CCDC178: variants seen among roughly 807,000 people sequenced by gnomAD.
The protein encoded by CCDC178 is coiled-coil domain-containing protein 178.
Under a neutral mutation model 117.4 loss-of-function variants are expected in CCDC178, and 126 were observed. The ratio of observed to expected loss-of-function variants is 1.07; its 90% confidence interval spans 0.93 to 1.24. The LOEUF (loss-of-function observed/expected upper bound fraction) is 1.24. CCDC178 is among the 50% of genes most tolerant of loss of function. CCDC178 has a pLI of 0.00. For synonymous variants in CCDC178, 283 were observed against 313.4 expected, an observed-to-expected ratio of 0.90 and a Z score of 1.02; for missense variants, 1,030 against 986.9, an observed-to-expected ratio of 1.04 and a Z score of -0.59.
At chr18:32,941,535 C>G (rs1305286500) in intron 22 of CCDC178, among the ~76,000 whole-genome samples, 1 of 152,098 alleles carries the variant, frequency 6.6e-6, no homozygotes. Flanking sequence ...GATTTTATTA[C>G]TTTTCATCAA....
intron 5 of CCDC178, among the ~76,000 whole-genome samples, chr18:33,380,123 C>T (rs1230222830): frequency 6.6e-6 from 1 of 152,136 alleles, no homozygotes; most frequent in Non-Finnish European, 1.5e-5. Context: ...CAGGATGGGG[C>T]ACCCAGCACA....
At chr18:33,016,422 C>A (rs1317079178) in intron 21 of CCDC178, among the ~76,000 whole-genome samples, 1 of 151,406 alleles carries the variant, frequency 6.6e-6, no homozygotes, top group Non-Finnish European at 1.5e-5. Flanking sequence ...GGCAAGAAAT[C>A]AAATCCACAT....
chr18:32,979,093 A>G (rs2055090160), intron 21 of CCDC178, among the ~76,000 whole-genome samples: 2 of 152,026 alleles, frequency 1.3e-5, no homozygotes, highest in African/African-American at 4.8e-5. Flanking sequence ...AGGCTCTACA[A>G]AACAACAAAT....
intron 21 of CCDC178, among the ~76,000 whole-genome samples, chr18:33,037,514 C>T (rs143912256): frequency 3.9e-4 from 60 of 151,998 alleles, no homozygotes; most frequent in Admixed American, 5.9e-4. Context: ...ACTTTTCTAC[C>T]GTAGTTGACT....
intron 20 of CCDC178, among the ~76,000 whole-genome samples, chr18:33,113,374 G>C (rs1474227370): frequency 6.6e-6 from 1 of 151,966 alleles, no homozygotes; most frequent in Non-Finnish European, 1.5e-5. Flanking sequence ...TTGATGACTT[G>C]TGTCATAACA....
intron 21 of CCDC178, among the ~76,000 whole-genome samples, chr18:33,060,877 G>T (rs929110672): frequency 6.6e-6 from 1 of 151,974 alleles, no homozygotes; most frequent in Non-Finnish European, 1.5e-5. Flanking sequence ...AAGCAAGAAA[G>T]AACAAAATAT....
intron 21 of CCDC178, among the ~76,000 whole-genome samples, chr18:33,082,316 C>T (rs1444506505): frequency 6.6e-6 from 1 of 151,902 alleles, no homozygotes; most frequent in Non-Finnish European, 1.5e-5. Context: ...ACCAAAAGTA[C>T]AAAAAATTAG....
rs575943269 is a variant in CCDC178 at position 33,276,274 on chromosome 18, G to C, written c.1177-8977C>G. Among the ~76,000 whole-genome samples, 21 of 152,188 alleles carry C rather than the reference G, an allele frequency of 1.4e-4. No individual in the cohort carries two copies. The East Asian group carries it at 2.7e-3, about 20-fold the overall frequency. On this transcript the variant is annotated intron_variant, in intron 12 of 22. Coordinates refer to ENST00000383096, the MANE Select transcript of CCDC178 (RefSeq NM_001105528.4). Reference sequence around the variant, plus strand: ...TATTTCAAATGTTGTGGCCTGAAAAGCTGGAAGGTTTGAATTGCCATAAAC... The same window carrying C: ...TATTTCAAATGTTGTGGCCTGAAAACCTGGAAGGTTTGAATTGCCATAAAC...
intron 11 of CCDC178, among the ~76,000 whole-genome samples, chr18:33,321,742 C>A (rs2062511555): frequency 6.7e-6 from 1 of 150,038 alleles, no homozygotes; most frequent in Non-Finnish European, 1.5e-5. Flanking sequence ...TGAAAAAAGG[C>A]AATAAAAAAG....
At chr18:33,215,968 C>T (rs2059161003) in intron 18 of CCDC178, among the ~76,000 whole-genome samples, 1 of 151,876 alleles carries the variant, frequency 6.6e-6, no homozygotes, top group Non-Finnish European at 1.5e-5. Context: ...TGCAGTGTTT[C>T]ACACCTGTAG....
intron 21 of CCDC178, among the ~76,000 whole-genome samples, chr18:33,069,743 C>A (rs1398252096): frequency 6.6e-6 from 1 of 152,026 alleles, no homozygotes; most frequent in Non-Finnish European, 1.5e-5. Flanking sequence ...GAAGAGACAA[C>A]TTGAAAAATG....
At chr18:33,292,047 G>T (rs1211674405) in intron 12 of CCDC178, among the ~76,000 whole-genome samples, 1 of 145,064 alleles carries the variant, frequency 6.9e-6, no homozygotes, top group African/African-American at 2.5e-5. Flanking sequence ...ACTAAGAAAA[G>T]AATTACATAT....
At chr18:33,147,202 G>T (rs532339568) in intron 20 of CCDC178, among the ~76,000 whole-genome samples, 2 of 149,394 alleles carry the variant, frequency 1.3e-5, no homozygotes, top group South Asian at 4.3e-4. Context: ...TGGAGGCTGG[G>T]AGTTTCAAAT....
At chr18:33,428,734 A>T (rs2064158646) in intron 2 of CCDC178, among the ~76,000 whole-genome samples, 1 of 149,492 alleles carries the variant, frequency 6.7e-6, no homozygotes, top group Non-Finnish European at 1.5e-5. Flanking sequence ...CTGTCTCAAA[A>T]AAAAAAAAAA....
chr18:33,087,058 G>A (rs1220133024), intron 21 of CCDC178, among the ~76,000 whole-genome samples: 14 of 128,126 alleles, frequency 1.1e-4, no homozygotes, highest in Non-Finnish European at 1.5e-4. Context: ...ACACACACAC[G>A]AAAATTTTAT....
intron 21 of CCDC178, among the ~76,000 whole-genome samples, chr18:32,994,344 G>A (rs2055456996): frequency 6.6e-6 from 1 of 152,160 alleles, no homozygotes; most frequent in Admixed American, 6.5e-5. Flanking sequence ...AGAAAACTGG[G>A]ATAATGCAGA....
At chr18:33,411,334 T>C (rs2063850180) in intron 3 of CCDC178, among the ~76,000 whole-genome samples, 1 of 152,212 alleles carries the variant, frequency 6.6e-6, no homozygotes, top group Non-Finnish European at 1.5e-5. Flanking sequence ...ATGCAGTCTC[T>C]GTTGCATATT....
At chr18:33,348,604 G>A (rs982373409) in intron 8 of CCDC178, among the ~76,000 whole-genome samples, 8 of 151,842 alleles carry the variant, frequency 5.3e-5, no homozygotes, top group Non-Finnish European at 1.0e-4. Flanking sequence ...GATTATCACA[G>A]AAAGTTCTAT....
rs1268388915 is a variant in CCDC178, at chr18:32,962,718, T to C, written c.2523+11829A>G. Among the ~76,000 whole-genome samples, 8 of 152,192 alleles carry C rather than the reference T, an allele frequency of 5.3e-5. No homozygotes were observed. In the East Asian group the frequency reaches 1.5e-3, roughly 29 times the overall value. ...ACTATGATTTACCTTGGTATTTTTTTATGTGTATCTCTTTTGGGGGGTTCT... is the reference window on the plus strand; with the variant it reads ...ACTATGATTTACCTTGGTATTTTTTCATGTGTATCTCTTTTGGGGGGTTCT... On this transcript the variant is annotated intron_variant, in intron 22 of 22. Transcript: ENST00000383096.
Sources: allele counts gnomAD v4.1 joint callset (sites outside exome capture counted in the v4.1 genomes callset), GRCh38; gene constraint gnomAD v4.1.1; transcripts MANE v1.5; gene names NCBI Gene and HGNC (gene_info 2026-07-23, HGNC 2026-07-21).